The following PLPP2 variants were observed in gnomAD, a reference collection of about 807,000 sequenced individuals.
PLPP2 encodes phospholipid phosphatase 2.
PLPP2 carries 29 observed loss-of-function variants against 35.2 expected under a neutral mutation model. That is an observed-to-expected ratio of 0.82 (90% confidence interval 0.61 to 1.12). The LOEUF (loss-of-function observed/expected upper bound fraction) is 1.12. PLPP2 is among the 50% of genes most tolerant of loss of function. The pLI is 0.00. For synonymous variants in PLPP2, 162 were observed against 167.0 expected, an observed-to-expected ratio of 0.97 and a Z score of 0.23; for missense variants, 353 against 375.2, an observed-to-expected ratio of 0.94 and a Z score of 0.49.
Position 282,167 on chromosome 19 carries a change from G to A in PLPP2, c.684C>T (p.Gly228=), listed in dbSNP as rs1024028538. The change falls in exon 5 of 6, where the codon GGC becomes GGT. Residue 228 remains glycine (G), a synonymous_variant. Coordinates refer to ENST00000434325, the MANE Select transcript of PLPP2 (RefSeq NM_003712.4). ...YKHHWSDVLV[G]LLQGALVAAL... ...CAGCCACCAGTGCCCCCTGCAGGAG[G>A]CCAACAAGGACATCGCTCCAGTGGT... 9.3e-6 allele frequency: 15 copies of A among 1,613,698 alleles called. No homozygotes were observed. The highest frequency in any genetic ancestry group is 1.2e-5 in the Non-Finnish European group (14 of 1,179,836).
intron 3 of PLPP2, 143 bp from the exon 4 acceptor site, chr19:282,952 C>G (rs1247361589): frequency 1.4e-6 from 1 of 696,134 alleles, no homozygotes; most frequent in African/African-American, 1.8e-5. Context: ...AACTGTTCCC[C>G]TTTTCTGTTC....
Position 287,518 on chromosome 19 carries a change from C to T in PLPP2, c.438G>A (p.Leu146=). 1 of 1,613,602 alleles carries T rather than the reference C, an allele frequency of 6.2e-7. No individual in the cohort carries two copies. Among genetic ancestry groups the T allele is most frequent in the Non-Finnish European group, 8.5e-7 (1 of 1,179,930 alleles). Residue 146 remains leucine, a synonymous_variant, in exon 3 of 6, where the codon CTG becomes CTA. Coordinates refer to ENST00000434325, the MANE Select transcript of PLPP2 (RefSeq NM_003712.4). The surrounding 1 kb of genome is among the most constrained non-coding windows in gnomAD (Gnocchi z 4.3). The part of the protein sequence containing the change: ...SRVNCSVYVQ[L]EKVCRGNPAD... ...CAGGGTTTCCCCTGCACACCTTCTC[C>T]AGCTGCACATAGACCGAGCAGTTGA...
Position 288,190 on chromosome 19 carries a change from C to A in PLPP2, c.53-19G>T. ...AGGGAGGCTGGTGGGGAAGAAAAGC[C>A]TGGGAGCTGTGAGGTTCTCTCACCA... On this transcript the variant is annotated intron_variant, in intron 1 of 5. Coordinates refer to ENST00000434325, the MANE Select transcript of PLPP2 (RefSeq NM_003712.4). 1 of 1,557,442 alleles carries A rather than the reference C, an allele frequency of 6.4e-7. No homozygotes were observed. Among genetic ancestry groups the A allele is most frequent in the Non-Finnish European group, 8.7e-7 (1 of 1,147,776 alleles).
At chr19:288,277 C>T (rs773850117) in intron 1 of PLPP2, 106 bp from the exon 2 acceptor site, 50 of 1,216,086 alleles carry the variant, frequency 4.1e-5, no homozygotes, top group Non-Finnish European at 5.7e-5. Flanking sequence ...CTACTCTCAC[C>T]AGACAGCAAG....
At chr19:288,977 C>A (rs1369973229) in intron 1 of PLPP2, among the ~76,000 whole-genome samples, 1 of 152,212 alleles carries the variant, frequency 6.6e-6, no homozygotes, top group Non-Finnish European at 1.5e-5. Context: ...CACCTTCGCT[C>A]ACGCACTTGC....
intron 1 of PLPP2, chr19:291,034 G>A (rs1219348228): frequency 7.0e-6 from 9 of 1,280,514 alleles, no homozygotes; most frequent in Non-Finnish European, 7.9e-6. Context: ...GGGGATGCTG[G>A]CCCCGGCTCC....
intron 3 of PLPP2, chr19:285,233 G>A (rs1486004267): frequency 6.6e-6 from 1 of 151,982 alleles, no homozygotes; most frequent in Non-Finnish European, 1.5e-5. Flanking sequence ...AGGAGTTCGA[G>A]ACCAGCCTAG....
intron 1 of PLPP2, among the ~76,000 whole-genome samples, chr19:289,987 C>T (rs577457744): frequency 8.5e-5 from 13 of 152,300 alleles, no homozygotes; most frequent in Non-Finnish European, 1.8e-4. Flanking sequence ...ACTAGAGACG[C>T]AGGCACCCCC....
chr19:287,725 C>T lies in PLPP2; in HGVS notation c.231G>A (p.Val77=), dbSNP rs773717439. ...AGCGAGAATAGAGCCGGTCTGTGTA[C>T]ACCAGGTAGGCTTCCCCGGCCGAGA... ...ILVSAGEAYL[V]YTDRLYSRSD... is the part of the protein sequence containing the mutation. The change falls in exon 3 of 6, where the codon GTG becomes GTA. Residue 77 remains valine, a synonymous_variant. Coordinates refer to ENST00000434325, the MANE Select transcript of PLPP2 (RefSeq NM_003712.4). This position sits in a 1 kb window ranked among gnomAD's most constrained non-coding sequence, Gnocchi z 4.3. 24 of 1,613,802 alleles carry T rather than the reference C, an allele frequency of 1.5e-5. No individual in the cohort carries two copies. Among genetic ancestry groups the T allele is most frequent in the Non-Finnish European group, 1.8e-5 (21 of 1,180,004 alleles).
intron 3 of PLPP2, 119 bp from the exon 4 acceptor site, chr19:282,928 A>C: frequency 1.2e-6 from 1 of 824,416 alleles, no homozygotes; most frequent in African/African-American, 1.7e-5. Flanking sequence ...ATGCACTCAA[A>C]TCCCAGTAGC....
chr19:281,923 G>C, intron 5 of PLPP2: 1 of 597,840 alleles, frequency 1.7e-6, no homozygotes. Context: ...GTAAGGACTG[G>C]GACTGGGGAG....
In PLPP2 at chr19:287,369, G is replaced by A. The variant is rs955990160; in HGVS notation, c.482+105C>T. On this transcript the variant is annotated intron_variant, in intron 3 of 5. Coordinates refer to ENST00000434325, the MANE Select transcript of PLPP2 (RefSeq NM_003712.4). The surrounding 1 kb of genome is among the most constrained non-coding windows in gnomAD (Gnocchi z 4.3). The stretch of plus-strand genomic sequence containing the variant: ...ACAAAAATTAGCCGGGCGTGGTGGC[G>A]CACGCCTGTAGTCTCAGCTGCCTGC... 12 of 1,411,042 alleles carry A rather than the reference G, an allele frequency of 8.5e-6. No individual in the cohort carries two copies. The highest frequency in any genetic ancestry group is 1.4e-5 in the African/African-American group (1 of 69,790). 87.4% of individuals were successfully genotyped at this position (1,411,042 alleles called of 1,614,324 possible).
intron 1 of PLPP2, among the ~76,000 whole-genome samples, chr19:289,928 C>T (rs1409221070): frequency 1.3e-5 from 2 of 152,104 alleles, no homozygotes; most frequent in East Asian, 1.9e-4. Context: ...CGGGCGGAGG[C>T]TCACACAGGT....
intron 4 of PLPP2, 66 bp downstream of exon 4, chr19:282,686 G>T: frequency 6.6e-7 from 1 of 1,512,946 alleles, no homozygotes; most frequent in Non-Finnish European, 9.2e-7. Context: ...AAAAACTGAG[G>T]TCCAGGGAAG....
At chr19:290,754 C>CT (rs1291845636) in intron 1 of PLPP2, among the ~76,000 whole-genome samples, 1 of 152,172 alleles carries the variant, frequency 6.6e-6, no homozygotes, top group Non-Finnish European at 1.5e-5. Context: ...TCCCCAGTGT[C>CT]TCCCCCGCCC....
chr19:286,547 T>G (rs1351511307), intron 3 of PLPP2: 1 of 151,628 alleles, frequency 6.6e-6, no homozygotes, highest in Non-Finnish European at 1.5e-5. Flanking sequence ...ATGACAGAGG[T>G]CCTTCCTTAT....
At chr19:290,778 G>A (rs949481331) in intron 1 of PLPP2, among the ~76,000 whole-genome samples, 1 of 151,842 alleles carries the variant, frequency 6.6e-6, no homozygotes, top group African/African-American at 2.4e-5. Context: ...CCAGCAGGGC[G>A]GCTGGGCCTC....
chr19:281,755 G>A (rs1471162853), intron 5 of PLPP2, among the ~76,000 whole-genome samples: 1 of 150,318 alleles, frequency 6.7e-6, no homozygotes, highest in Non-Finnish European at 1.5e-5. Context: ...ACTGCAGTAG[G>A]GCCAGGGGTC....
In PLPP2 at chr19:281,492, A is replaced by G; in HGVS notation, c.763T>C (p.Cys255Arg). Reference sequence around the variant, plus strand: ...CGTTCCAGCTCCTCCTCCTTCAGACAGTGCTGTGGGGGTCGGGCTTTGAAG... The same window carrying G: ...CGTTCCAGCTCCTCCTCCTTCAGACGGTGCTGTGGGGGTCGGGCTTTGAAG... ...DFFKARPPQH[C>R]LKEEELERKP... Residue 255 changes from cysteine (C) to arginine (R), a missense_variant, in exon 6 of 6, where the codon TGT (cysteine) becomes CGT (arginine). Physicochemically the swap from Cys to Arg is radical, Grantham distance 180. Coordinates refer to ENST00000434325, the MANE Select transcript of PLPP2 (RefSeq NM_003712.4). The G allele has an allele frequency of 6.5e-7, 1 of 1,545,106 alleles. No homozygotes were observed. The highest frequency in any genetic ancestry group is 8.7e-7 in the Non-Finnish European group (1 of 1,144,884).
Sources: allele counts gnomAD v4.1 joint callset (sites outside exome capture counted in the v4.1 genomes callset), GRCh38; gene constraint gnomAD v4.1.1; non-coding constraint Gnocchi (gnomAD v3.1); transcripts MANE v1.5; gene names NCBI Gene and HGNC (gene_info 2026-07-23, HGNC 2026-07-21).